POGK: variants seen among roughly 807,000 people sequenced by gnomAD.
POGK encodes pogo transposable element derived with KRAB domain.
In POGK, 16 loss-of-function variants were observed where a neutral mutation model predicts 54.4. That is an observed-to-expected ratio of 0.29 (90% CI 0.20 to 0.45). POGK has a LOEUF of 0.45. Among genes scored for constraint, POGK ranks in the 20% least tolerant of loss-of-function variants. The pLI, the probability that POGK is intolerant of heterozygous loss-of-function variation, is 1.00. For synonymous variants in POGK, 271 were observed against 302.2 expected (o/e 0.90, Z 1.07); for missense variants, 515 against 795.6 (o/e 0.65, Z 4.24).
chr1:166,849,618 C>G lies in POGK; in HGVS notation c.1039C>G (p.Leu347Val). ...EKLVTYQRSVLALRRAHDYEV... is the reference protein window; with the variant it reads ...EKLVTYQRSVVALRRAHDYEV... ...ACTCGTCACTTACCAGCGCAGTGTC[C>G]TGGCTCTGCGCAGGGCGCATGACTA... The change falls in exon 5 of 6, where the codon CTG becomes GTG. Residue 347 changes from leucine to valine, a missense_variant. By Grantham distance (32) the Leu-to-Val change is conservative. Transcript: ENST00000367876. 1 of 1,614,286 alleles carries G rather than the reference C, an allele frequency of 6.2e-7. No individual in the cohort carries two copies. Among genetic ancestry groups the G allele is most frequent in the Non-Finnish European group, 8.5e-7 (1 of 1,180,058 alleles).
chr1:166,839,645 C>T (rs1213581024), intron 1 of POGK, 41 bp downstream of exon 1: 1 of 143,902 alleles, frequency 6.9e-6, no homozygotes, highest in African/African-American at 2.5e-5. Context: ...CGCGGCCCCT[C>T]CCCCGGGTCC....
At chr1:166,840,036 C>T (rs2101742145) in intron 1 of POGK, 1 of 152,316 alleles carries the variant, frequency 6.6e-6, no homozygotes, top group Admixed American at 6.5e-5. Flanking sequence ...CGGGCCCCAG[C>T]TGCAGGCATC....
chr1:166,855,095 G>T lies in POGK; in HGVS notation c.*2525G>T, dbSNP rs1658228451. 6.6e-6 allele frequency: 1 copy of T among 151,004 alleles called. No individual in the cohort carries two copies. The highest frequency in any genetic ancestry group is 2.1e-4 in the South Asian group (1 of 4,830). 9.4% of individuals were successfully genotyped at this position (151,004 alleles called of 1,614,324 possible). A position where few individuals can be genotyped will look rare whatever the true frequency, so the allele number is the denominator to read the frequency against. On this transcript the variant is annotated 3_prime_UTR_variant, in exon 6 of 6. Transcript: ENST00000367876. The stretch of plus-strand genomic sequence containing the variant: ...TCCTTGGTTGATCAGAGAAGTGGGT[G>T]ATAAGAACGTGCTAAATAACAAACC...
At chr1:166,843,521 C>T (rs1370667759) in intron 2 of POGK, among the ~76,000 whole-genome samples, 1 of 152,188 alleles carries the variant, frequency 6.6e-6, no homozygotes, top group Non-Finnish European at 1.5e-5. Flanking sequence ...TTTCCTTACC[C>T]ATAAAAGTGA....
chr1:166,841,867 G>A (rs748137240), intron 2 of POGK, among the ~76,000 whole-genome samples: 1 of 152,132 alleles, frequency 6.6e-6, no homozygotes, highest in Non-Finnish European at 1.5e-5. Flanking sequence ...CCAGAGGAGA[G>A]AACTGGGATG....
At chr1:166,846,426 C>T (rs1020024008) in intron 2 of POGK, among the ~76,000 whole-genome samples, 186 bp from the exon 3 acceptor site, 1 of 152,196 alleles carries the variant, frequency 6.6e-6, no homozygotes, top group East Asian at 1.9e-4. Flanking sequence ...AAGGACTGTG[C>T]TCTTGCCCTT....
At position 166,849,740 on chromosome 1, in the gene POGK, G is replaced by A. The variant is rs144764917; in HGVS notation, c.1161G>A (p.Leu387=). The change falls in exon 5 of 6, where the codon TTG becomes TTA. Residue 387 remains leucine, a synonymous_variant. Transcript: ENST00000367876. The stretch of plus-strand genomic sequence containing the variant: ...ATAACCAGGGCGAAAAGCCTGTCTT[G>A]GTCAAGACACCAGGCAGGGAAAAAC... ...TVDNQGEKPV[L]VKTPGREKLK... The A allele has an allele frequency of 1.2e-6, 2 of 1,614,270 alleles. No homozygotes were observed. Among genetic ancestry groups the A allele is most frequent in the Non-Finnish European group, 1.7e-6 (2 of 1,180,058 alleles).
In POGK at chr1:166,846,706, T is replaced by C; in HGVS notation, c.227T>C (p.Met76Thr). The C allele has an allele frequency of 6.2e-7, 1 of 1,614,156 alleles. No homozygotes were observed. The highest frequency in any genetic ancestry group is 8.5e-7 in the Non-Finnish European group (1 of 1,180,018). Residue 76 changes from methionine (M) to threonine (T), a missense_variant, in exon 3 of 6, where the codon ATG becomes ACG. Transcript: ENST00000367876. ...CAAAAGGCCCTCTACCGGGAAGTCA[T>C]GAGGATGAATTATGAAACTGTCCTG... ...EQQKALYREV[M>T]RMNYETVLSL...
At position 166,856,166 on chromosome 1, in the gene POGK, C is replaced by CA. The variant is rs879315615; in HGVS notation, c.*3608dup. The CA allele has an allele frequency of 7.1e-3, 987 of 138,332 alleles. 3 individuals carry two copies. The highest frequency in any genetic ancestry group is 0.018 in the Middle Eastern group (5 of 276). The allele number at this position is 138,332 out of a possible 1,614,324, so 8.6% of individuals were successfully genotyped here. On this transcript the variant is annotated 3_prime_UTR_variant, in exon 6 of 6. Coordinates refer to ENST00000367876, the MANE Select transcript of POGK (RefSeq NM_017542.5). ...GCAACATGATAAAACCGTGTCTTTA[C>CA]AAAAAAAAAAAATTTTAAATTAGCC...
At chr1:166,846,369 GC>G (rs1657848917) in intron 2 of POGK, among the ~76,000 whole-genome samples, 1 of 152,182 alleles carries the variant, frequency 6.6e-6, no homozygotes, top group South Asian at 2.1e-4. Context: ...TCAAAGTGCT[GC>G]TTACCTTATC....
rs372114243 is a variant in POGK at position 166,843,574 on chromosome 1, G to A, written c.132+2486G>A. Reference sequence around the variant, plus strand: ...CCCTAGTTTAGCGGATTCAGTGAGAGAATATATTTATATGATTGAGTGTCC... The same window carrying A: ...CCCTAGTTTAGCGGATTCAGTGAGAAAATATATTTATATGATTGAGTGTCC... On this transcript the variant is annotated intron_variant, in intron 2 of 5. Coordinates refer to ENST00000367876, the MANE Select transcript of POGK (RefSeq NM_017542.5). Among the ~76,000 whole-genome samples, 3 of 152,220 alleles carry A rather than the reference G, an allele frequency of 2.0e-5. No homozygotes were observed. In the East Asian group the frequency reaches 5.8e-4, roughly 29 times the overall value.
chr1:166,851,283 A>C (rs1379699972), intron 5 of POGK: 1 of 152,124 alleles, frequency 6.6e-6, no homozygotes, highest in African/African-American at 2.4e-5. Context: ...AGCTATCTAC[A>C]GTATGTTACC....
rs1046516536 is a variant in POGK, at chr1:166,854,078, TTTCTC to T, written c.*1511_*1515del. 3 of 152,398 alleles carry T rather than the reference TTTCTC, an allele frequency of 2.0e-5. No individual in the cohort carries two copies. Among genetic ancestry groups the T allele is most frequent in the African/African-American group, 7.2e-5 (3 of 41,464 alleles). The allele number at this position is 152,398 out of a possible 1,614,324, so 9.4% of individuals were successfully genotyped here. On this transcript the variant is annotated 3_prime_UTR_variant, in exon 6 of 6. Coordinates refer to ENST00000367876, the MANE Select transcript of POGK (RefSeq NM_017542.5). ...TTACTGGCTCTTTCTTCATGTCTTATTTCTCTTGCTTTGGGAGCTTAAAAGATTTT... is the reference window on the plus strand; with the variant it reads ...TTACTGGCTCTTTCTTCATGTCTTATTTGCTTTGGGAGCTTAAAAGATTTT...
rs111752271 is a variant in POGK at position 166,849,113 on chromosome 1, G to A, written c.534G>A (p.Gly178=). Residue 178 remains glycine (G), a synonymous_variant, in exon 5 of 6, where the codon GGG becomes GGA. Transcript: ENST00000367876. ...YPFYMAMGFP[G]YDLSADDIAG... is the part of the protein sequence containing the mutation. The stretch of plus-strand genomic sequence containing the variant: ...TCTACATGGCCATGGGCTTCCCAGG[G>A]TATGACCTCTCGGCTGATGACATAG... 1.5e-5 allele frequency: 25 copies of A among 1,614,178 alleles called. No homozygotes were observed. The highest frequency in any genetic ancestry group is 1.1e-4 in the African/African-American group (8 of 75,056).
chr1:166,852,516 T>A (rs1407386297), intron 5 of POGK, 69 bp from the exon 6 acceptor site: 1 of 152,038 alleles, frequency 6.6e-6, no homozygotes, highest in Admixed American at 6.5e-5. Flanking sequence ...ATGATGGAAT[T>A]ATTATGTTTG....
chr1:166,847,691 T>G, intron 4 of POGK, 99 bp downstream of exon 4: 4 of 878,822 alleles, frequency 4.6e-6, no homozygotes, highest in Non-Finnish European at 7.0e-6. Flanking sequence ...GGTAGAAGGA[T>G]TATGGGTTTT....
chr1:166,855,166 GAAC>G lies in POGK; in HGVS notation c.*2602_*2604del, dbSNP rs1246142815. The G allele has an allele frequency of 2.6e-5, 4 of 151,924 alleles. No homozygotes were observed. The highest frequency in any genetic ancestry group is 3.9e-4 in the East Asian group (2 of 5,168). The allele number at this position is 151,924 out of a possible 1,614,324, so 9.4% of individuals were successfully genotyped here. A position where few individuals can be genotyped will look rare whatever the true frequency, so the allele number is the denominator to read the frequency against. On this transcript the variant is annotated 3_prime_UTR_variant, in exon 6 of 6. Transcript: ENST00000367876. ...CCTAAAATGTTTTTTTTTTAATTCA[GAAC>G]AACAAAAGAACATGCTAAGCGAGTC...
intron 2 of POGK, among the ~76,000 whole-genome samples, chr1:166,844,896 T>C (rs1056526300): frequency 1.3e-5 from 2 of 152,158 alleles, no homozygotes; most frequent in African/African-American, 4.8e-5. Flanking sequence ...GCAGGGATTT[T>C]GGGCTGAGTC....
At chr1:166,845,231 G>C (rs1657796299) in intron 2 of POGK, among the ~76,000 whole-genome samples, 1 of 151,964 alleles carries the variant, frequency 6.6e-6, no homozygotes, top group South Asian at 2.1e-4. Context: ...GGTGGCTTGT[G>C]CCTCTAATCC....
Sources: gnomAD v4.1 joint callset for allele counts (sites outside exome capture counted in the v4.1 genomes callset) on GRCh38, gnomAD v4.1.1 for gene constraint, MANE v1.5 for transcripts, NCBI Gene and HGNC (gene_info 2026-07-23, HGNC 2026-07-21) for gene names.